The following OPCML variants were observed in gnomAD, a reference collection of about 807,000 sequenced individuals.
OPCML encodes opioid binding protein/cell adhesion molecule like, also known as opioid-binding protein/cell adhesion molecule.
Under a neutral mutation model 37.8 loss-of-function variants are expected in OPCML, and 13 were observed. That is an observed-to-expected ratio of 0.34 (90% confidence interval 0.22 to 0.55). The LOEUF (loss-of-function observed/expected upper bound fraction) is 0.55, where lower values mean the gene tolerates loss of function less well. Ranked by LOEUF, OPCML falls within the 20% of genes least tolerant of loss-of-function variation. OPCML has a pLI of 0.91. For synonymous variants in OPCML, 176 were observed against 168.8 expected (o/e 1.04, Z -0.33); for missense variants, 341 against 435.6 (o/e 0.78, Z 1.93).
At chr11:132,937,914 C>A (rs187735051) in intron 2 of OPCML, among the ~76,000 whole-genome samples, 2 of 151,900 alleles carry the variant, frequency 1.3e-5, no homozygotes, top group East Asian at 3.9e-4. Context: ...TTCTTGACCT[C>A]AGGGATAGTG....
chr11:133,454,972 C>G (rs1367246336), intron 1 of OPCML, among the ~76,000 whole-genome samples: 3 of 152,100 alleles, frequency 2.0e-5, no homozygotes, highest in Admixed American at 1.3e-4. Flanking sequence ...ATGTGGGATT[C>G]ACCTTTTTTT....
rs1591740684 is a variant in OPCML at position 132,876,291 on chromosome 11, C to T, written c.146+66635G>A. On this transcript the variant is annotated intron_variant, in intron 2 of 7. Coordinates refer to ENST00000524381, the MANE Select transcript of OPCML (RefSeq NM_001012393.5). ...GAAGGAGGGGCAATTTGAGGGCAGACATATTGTCTTTCCATGCACAACCTC... is the reference window on the plus strand; with the variant it reads ...GAAGGAGGGGCAATTTGAGGGCAGATATATTGTCTTTCCATGCACAACCTC... Among the ~76,000 whole-genome samples, 3 of 152,294 alleles carry T rather than the reference C, an allele frequency of 2.0e-5. No individual in the cohort carries two copies. The South Asian group carries it at 6.2e-4, about 32-fold the overall frequency.
rs1403308841 is a variant in OPCML at position 132,598,994 on chromosome 11, G to A, written c.379+58093C>T. 2.6e-5 allele frequency among the ~76,000 whole-genome samples: 4 copies of A among 152,128 alleles called. No individual in the cohort carries two copies. In the East Asian group the frequency reaches 7.7e-4, roughly 29 times the overall value. On this transcript the variant is annotated intron_variant, in intron 3 of 7. Coordinates refer to ENST00000524381, the MANE Select transcript of OPCML (RefSeq NM_001012393.5). The stretch of plus-strand genomic sequence containing the variant: ...TCAGCAGACAGAAAACCTAAGCCAA[G>A]CATGGCCATGTGCAGTGGTTCATGC...
intron 2 of OPCML, among the ~76,000 whole-genome samples, chr11:132,681,562 A>G (rs945332199): frequency 2.6e-5 from 4 of 152,036 alleles, no homozygotes; most frequent in African/African-American, 9.7e-5. Context: ...CCTCTTTCAC[A>G]TCGGCAATAA....
chr11:133,277,714 T>C (rs1942032341), intron 1 of OPCML, among the ~76,000 whole-genome samples: 1 of 152,234 alleles, frequency 6.6e-6, no homozygotes, highest in Non-Finnish European at 1.5e-5. Context: ...TGTGTGTATA[T>C]ATGTATGTGT....
At chr11:132,924,547 G>A (rs1170991594) in intron 2 of OPCML, among the ~76,000 whole-genome samples, 1 of 152,138 alleles carries the variant, frequency 6.6e-6, no homozygotes, top group South Asian at 2.1e-4. Context: ...TTCTTTTCTT[G>A]CAATGCTTTA....
Position 133,350,287 on chromosome 11 carries a change from C to G in OPCML, c.61+181977G>C, listed in dbSNP as rs942501583. ...CTGTACCCACACGCTAGAACACTGC[C>G]TGGTGACAGGTCTATAGTTTAGGGT... On this transcript the variant is annotated intron_variant, in intron 1 of 7. Coordinates refer to ENST00000524381, the MANE Select transcript of OPCML (RefSeq NM_001012393.5). 7.2e-5 allele frequency among the ~76,000 whole-genome samples: 11 copies of G among 152,188 alleles called. No homozygotes were observed. In the South Asian group the frequency reaches 1.7e-3, roughly 23 times the overall value.
At chr11:132,547,672 T>C (rs2096371799) in intron 3 of OPCML, among the ~76,000 whole-genome samples, 1 of 152,174 alleles carries the variant, frequency 6.6e-6, no homozygotes, top group Non-Finnish European at 1.5e-5. Flanking sequence ...ATTTTTTTCT[T>C]TTAGTCCTTA....
intron 2 of OPCML, among the ~76,000 whole-genome samples, chr11:132,782,686 G>A (rs1468649304): frequency 6.6e-6 from 1 of 151,822 alleles, no homozygotes. Context: ...CCTCTTGTTA[G>A]GGATGGGAAA....
At chr11:132,587,573 C>A (rs1224613785) in intron 3 of OPCML, among the ~76,000 whole-genome samples, 1 of 152,162 alleles carries the variant, frequency 6.6e-6, no homozygotes, top group Non-Finnish European at 1.5e-5. Flanking sequence ...GGACAAAGGA[C>A]TTTCTCTATT....
At chr11:133,080,910 G>C (rs1240929441) in intron 1 of OPCML, among the ~76,000 whole-genome samples, 3 of 152,136 alleles carry the variant, frequency 2.0e-5, no homozygotes, top group Non-Finnish European at 4.4e-5. Context: ...CTGTTCATGG[G>C]TCTCGGAGTC....
intron 1 of OPCML, among the ~76,000 whole-genome samples, chr11:133,481,033 T>G (rs1303587216): frequency 1.3e-5 from 2 of 152,250 alleles, no homozygotes; most frequent in South Asian, 4.1e-4. Context: ...TGGCCAGGCC[T>G]ATGTAGACAT....
chr11:132,514,651 A>T (rs1447318449), intron 4 of OPCML, among the ~76,000 whole-genome samples: 1 of 152,044 alleles, frequency 6.6e-6, no homozygotes. Context: ...ATGACTCAAT[A>T]TTTTTTTGCC....
chr11:133,141,048 C>CGACGAAGACGAA lies in OPCML; in HGVS notation c.62-198039_62-198038insTTCGTCTTCGTC, dbSNP rs1949809660. 4.7e-3 allele frequency among the ~76,000 whole-genome samples: 27 copies of CGACGAAGACGAA among 5,786 alleles called. 4 individuals carry two copies. Among genetic ancestry groups the CGACGAAGACGAA allele is most frequent in the African/African-American group, 8.7e-3 (27 of 3,104 alleles). 3.8% of individuals were successfully genotyped at this position (5,786 alleles called of 152,430 possible). A position where few individuals can be genotyped will look rare whatever the true frequency, so the allele number is the denominator to read the frequency against. The stretch of plus-strand genomic sequence containing the variant: ...ACGACGACGACGACGACGACGACGA[C>CGACGAAGACGAA]GAAGAAGAAGAAGAAGAAGAAGAAG... On this transcript the variant is annotated intron_variant, in intron 1 of 7. Coordinates refer to ENST00000524381, the MANE Select transcript of OPCML (RefSeq NM_001012393.5).
chr11:133,220,312 G>A (rs1474086860), intron 1 of OPCML, among the ~76,000 whole-genome samples: 3 of 152,194 alleles, frequency 2.0e-5, no homozygotes, highest in Non-Finnish European at 2.9e-5. Context: ...AGAAACATTA[G>A]TCAGCAGGAG....
intron 1 of OPCML, among the ~76,000 whole-genome samples, chr11:132,952,133 T>C (rs1945873726): frequency 1.3e-5 from 2 of 152,328 alleles, no homozygotes; most frequent in South Asian, 4.1e-4. Flanking sequence ...CGTATTTGTA[T>C]GACAGAAACC....
At chr11:133,013,124 A>C (rs934142807) in intron 1 of OPCML, among the ~76,000 whole-genome samples, 4 of 152,186 alleles carry the variant, frequency 2.6e-5, no homozygotes, top group Non-Finnish European at 4.4e-5. Context: ...TAGAACTCAT[A>C]CTAGGACCAT....
intron 3 of OPCML, among the ~76,000 whole-genome samples, chr11:132,550,296 G>T (rs1345122488): frequency 1.3e-5 from 2 of 152,188 alleles, no homozygotes; most frequent in Non-Finnish European, 2.9e-5. Context: ...GTGGGGCCTG[G>T]TGGGCGGTGA....
chr11:133,421,029 G>A, intron 1 of OPCML: 1 of 985,332 alleles, frequency 1.0e-6, no homozygotes, highest in Non-Finnish European at 1.2e-6. Flanking sequence ...AGAGAATCAT[G>A]GGGTGTAGAT....
Sources: gnomAD v4.1 joint callset for allele counts (sites outside exome capture counted in the v4.1 genomes callset) on GRCh38, gnomAD v4.1.1 for gene constraint, MANE v1.5 for transcripts, NCBI Gene and HGNC (gene_info 2026-07-23, HGNC 2026-07-21) for gene names.